Variants in DMC1 observed in about 807,000 individuals in gnomAD.
DMC1 encodes the protein meiotic recombination protein DMC1 homolog.
A neutral mutation model predicts 50.1 loss-of-function variants in DMC1; 27 were observed. The ratio of observed to expected loss-of-function variants is 0.54; its 90% CI spans 0.40 to 0.74. The LOEUF (loss-of-function observed/expected upper bound fraction) is 0.74, where lower values mean the gene tolerates loss of function less well. DMC1 is among the 30% of genes least tolerant of loss of function. DMC1 has a pLI of 0.00. For missense variants in DMC1, 295 were observed against 420.2 expected (o/e 0.70, Z 2.60); for synonymous variants, 148 against 136.1 (o/e 1.09, Z -0.61).
chr22:38,552,269 A>G (rs1362132912), intron 7 of DMC1, among the ~76,000 whole-genome samples: 3 of 152,150 alleles, frequency 2.0e-5, no homozygotes, highest in African/African-American at 4.8e-5. Flanking sequence ...TGTTTAAAAC[A>G]ATTTTGTTTT....
the DMC1 span, among the ~76,000 whole-genome samples, chr22:38,511,711 C>T: frequency 6.6e-6 from 1 of 152,108 alleles, no homozygotes; most frequent in Non-Finnish European, 1.5e-5. Flanking sequence ...AAGCGATCCT[C>T]ACGCCTCAGC....
intron 12 of DMC1, among the ~76,000 whole-genome samples, chr22:38,525,042 C>T (rs1247514447): frequency 6.6e-6 from 1 of 152,130 alleles, no homozygotes; most frequent in Non-Finnish European, 1.5e-5. Flanking sequence ...GCCTGGGCAA[C>T]AAGAGCCAGA....
Position 38,538,408 on chromosome 22 carries a change from A to G in DMC1, c.662T>C (p.Ile221Thr). ...HEEAGIFKLL[I>T]IDSIMALFRV... ...AAAAAGTGCCATTATTGAATCGATAATCTACACAGGATTAATGTAAAAATA... is the reference window on the plus strand; with the variant it reads ...AAAAAGTGCCATTATTGAATCGATAGTCTACACAGGATTAATGTAAAAATA... Residue 221 changes from isoleucine to threonine, a missense_variant and splice_region_variant, in exon 11 of 14, where the codon ATT becomes ACT. Transcript: ENST00000216024. 2.5e-6 allele frequency: 4 copies of G among 1,613,812 alleles called. No homozygotes were observed. Among genetic ancestry groups the G allele is most frequent in the Non-Finnish European group, 3.4e-6 (4 of 1,179,786 alleles).
rs1306654808 is a variant in DMC1 at position 38,562,307 on chromosome 22, G to A, written c.306C>T (p.Thr102=). Residue 102 remains threonine, a synonymous_variant, in exon 5 of 14, where the codon ACC becomes ACT. Coordinates refer to ENST00000216024, the MANE Select transcript of DMC1 (RefSeq NM_007068.4). The stretch of plus-strand genomic sequence containing the variant: ...CATACTCAAATTCCTGGCTCCCGGT[G>A]GTGATATGGAAAACCATTTTCCTCT... ...SEKRKMVFHI[T]TGSQEFDKLL... 5.0e-6 allele frequency: 8 copies of A among 1,610,864 alleles called. No homozygotes were observed. Among genetic ancestry groups the A allele is most frequent in the Non-Finnish European group, 6.8e-6 (8 of 1,177,484 alleles).
chr22:38,550,924 C>A (rs2090397667), intron 7 of DMC1, among the ~76,000 whole-genome samples: 1 of 93,916 alleles, frequency 1.1e-5, no homozygotes, highest in Non-Finnish European at 1.9e-5. Context: ...GATCAAGACT[C>A]CATCTCAAAA....
At chr22:38,559,141 T>C (rs1009761354) in intron 5 of DMC1, among the ~76,000 whole-genome samples, 3 of 152,208 alleles carry the variant, frequency 2.0e-5, no homozygotes, top group Non-Finnish European at 4.4e-5. Context: ...GCGATTCTCC[T>C]GCCTCAGCCT....
At chr22:38,563,593 C>T (rs997901259) in intron 4 of DMC1, among the ~76,000 whole-genome samples, 1 of 152,144 alleles carries the variant, frequency 6.6e-6, no homozygotes, top group Non-Finnish European at 1.5e-5. Context: ...GTAGCTCACA[C>T]CTGTAATCCC....
At chr22:38,525,170 T>C (rs2046852015) in intron 12 of DMC1, among the ~76,000 whole-genome samples, 1 of 152,328 alleles carries the variant, frequency 6.6e-6, no homozygotes, top group Non-Finnish European at 1.5e-5. Context: ...TCTTTGAAAC[T>C]CCAGCGCCTG....
chr22:38,566,140 G>A (rs1201500302), intron 4 of DMC1, among the ~76,000 whole-genome samples: 1 of 152,084 alleles, frequency 6.6e-6, no homozygotes, highest in Non-Finnish European at 1.5e-5. Context: ...TGGGCGTGGT[G>A]CTGTGTGCCT....
At chr22:38,512,194 C>T in the DMC1 span, among the ~76,000 whole-genome samples, 47 of 152,172 alleles carry the variant, frequency 3.1e-4, 1 homozygote, top group East Asian at 6.6e-3. Context: ...AGGCTGGTCT[C>T]GAACTCCTGT....
At chr22:38,540,225 T>C (rs2090265557) in intron 8 of DMC1, among the ~76,000 whole-genome samples, 1 of 152,196 alleles carries the variant, frequency 6.6e-6, no homozygotes. Context: ...TTTGTATTTT[T>C]AGTGGAGACG....
chr22:38,543,471 C>T (rs2090309604), intron 8 of DMC1, among the ~76,000 whole-genome samples: 1 of 152,054 alleles, frequency 6.6e-6, no homozygotes, highest in African/African-American at 2.4e-5. Flanking sequence ...CCTCGTGATC[C>T]ACCCACCTCG....
At chr22:38,530,480 G>A (rs1895972649) in intron 12 of DMC1, among the ~76,000 whole-genome samples, 1 of 151,976 alleles carries the variant, frequency 6.6e-6, no homozygotes, top group Admixed American at 6.6e-5. Flanking sequence ...GCGGGGGGAG[G>A]TGAGATGGGG....
rs575278038 is a variant in DMC1, at chr22:38,540,050, T to G, written c.495-638A>C. ...AGAGAAATATCGACCAAAGGTTTTTTGTTGGCATAGGTTTTCTTTTTCTTT... is the reference window on the plus strand; with the variant it reads ...AGAGAAATATCGACCAAAGGTTTTTGGTTGGCATAGGTTTTCTTTTTCTTT... On this transcript the variant is annotated intron_variant, in intron 8 of 13. Coordinates refer to ENST00000216024, the MANE Select transcript of DMC1 (RefSeq NM_007068.4). 6.6e-5 allele frequency among the ~76,000 whole-genome samples: 10 copies of G among 152,346 alleles called. No homozygotes were observed. The East Asian group carries it at 1.7e-3, about 26-fold the overall frequency.
At chr22:38,515,541 G>A (rs2089971344), downstream of DMC1, among the ~76,000 whole-genome samples, 1 of 151,564 alleles carries the variant, frequency 6.6e-6, no homozygotes, top group African/African-American at 2.4e-5. Flanking sequence ...GCTCATGCCT[G>A]TAATCCCAGC....
chr22:38,564,011 T>C (rs1026438296), intron 4 of DMC1, among the ~76,000 whole-genome samples: 3 of 152,000 alleles, frequency 2.0e-5, no homozygotes, highest in African/African-American at 7.2e-5. Context: ...CCACAAAAAT[T>C]TTTAAAAATT....
intron 8 of DMC1, among the ~76,000 whole-genome samples, chr22:38,541,334 C>T (rs751730086): frequency 6.6e-6 from 1 of 152,156 alleles, no homozygotes; most frequent in Non-Finnish European, 1.5e-5. Context: ...CTCTGTTGCT[C>T]AGGCTGGAGT....
chr22:38,547,655 T>G (rs1365974107), intron 8 of DMC1, among the ~76,000 whole-genome samples: 1 of 152,162 alleles, frequency 6.6e-6, no homozygotes, highest in African/African-American at 2.4e-5. Context: ...TTCTCCTGCC[T>G]AAGCCTCCTG....
rs879461124 is a variant in DMC1 at position 38,568,461 on chromosome 22, GTGTGTGTGTGTGCA to G, written c.-33-186_-33-173del. 3.2e-3 allele frequency: 1,918 copies of G among 608,008 alleles called. 25 individuals carry two copies. The African/African-American group carries it at 0.032, about 10-fold the overall frequency. The allele number at this position is 608,008 out of a possible 1,614,324, so 37.7% of individuals were successfully genotyped here. On this transcript the variant is annotated intron_variant, in intron 1 of 13. Coordinates refer to ENST00000216024, the MANE Select transcript of DMC1 (RefSeq NM_007068.4). ...ATGTGACATTATTTCTTGTGTGTGT[GTGTGTGTGTGTGCA>G]TGTGTGTGTGTGTCCCCACATGCAC...
Sources: gnomAD v4.1 joint callset for allele counts (sites outside exome capture counted in the v4.1 genomes callset) on GRCh38, gnomAD v4.1.1 for gene constraint, MANE v1.5 for transcripts, NCBI Gene and HGNC (gene_info 2026-07-23, HGNC 2026-07-21) for gene names.